The following PTBP3 variants were observed in gnomAD, a reference collection of about 807,000 sequenced individuals.
PTBP3 encodes the protein polypyrimidine tract binding protein 3, also known as polypyrimidine tract-binding protein 3.
PTBP3 carries 20 observed loss-of-function variants against 58.7 expected under a neutral mutation model. The observed-to-expected ratio is 0.34, with a 90% confidence interval of 0.24 to 0.50. The LOEUF (loss-of-function observed/expected upper bound fraction) is 0.50, where lower values mean the gene tolerates loss of function less well. Ranked by LOEUF, PTBP3 falls within the 20% of genes least tolerant of loss-of-function variation. The probability of loss-of-function intolerance (pLI) is 0.98; values close to 1 mark genes in which losing one functional copy is unlikely to be tolerated. For synonymous variants in PTBP3, 185 were observed against 219.8 expected, an observed-to-expected ratio of 0.84 and a Z score of 1.40; for missense variants, 509 against 637.2, an observed-to-expected ratio of 0.80 and a Z score of 2.17.
intron 2 of PTBP3, among the ~76,000 whole-genome samples, chr9:112,288,925 AG>A: frequency 6.6e-6 from 1 of 152,354 alleles, no homozygotes; most frequent in South Asian, 2.1e-4. Context: ...AACTGATCAG[AG>A]AAACTAGTGT....
chr9:112,350,071 T>A, the PTBP3 span, among the ~76,000 whole-genome samples: 2 of 151,890 alleles, frequency 1.3e-5, no homozygotes, highest in Admixed American at 6.6e-5. Flanking sequence ...ATTTAAAGAT[T>A]TTTAAATTTT....
At chr9:112,257,676 ATGCC>A (rs1406594170) in intron 5 of PTBP3, among the ~76,000 whole-genome samples, 1 of 152,212 alleles carries the variant, frequency 6.6e-6, no homozygotes, top group Admixed American at 6.5e-5. Context: ...GCAGTGGCTC[ATGCC>A]TGTAATCCCA....
At chr9:112,291,953 T>C (rs1275792718) in intron 2 of PTBP3, among the ~76,000 whole-genome samples, 1 of 94,552 alleles carries the variant, frequency 1.1e-5, no homozygotes, top group South Asian at 4.7e-4. Context: ...AAAGAAATCA[T>C]AAACTACATA....
chr9:112,329,684 A>G (rs1830289923), intron 1 of PTBP3, among the ~76,000 whole-genome samples: 1 of 152,150 alleles, frequency 6.6e-6, no homozygotes, highest in South Asian at 2.1e-4. Context: ...CTGATTACCT[A>G]CCTTGAAGGA....
At chr9:112,224,890 C>A (rs574593064) in intron 12 of PTBP3, among the ~76,000 whole-genome samples, 17 of 152,270 alleles carry the variant, frequency 1.1e-4, no homozygotes, top group South Asian at 4.1e-4. Context: ...GGCCTTCGGT[C>A]AACAAACAGG....
rs1433804756 is a variant in PTBP3, at chr9:112,221,798, AT to A, written c.*2052del. ...GTGAGTGAATTCTGCTTTTTAAACA[AT>A]CTGTATCATCTCTTGCAGTCTCTAT... On this transcript the variant is annotated 3_prime_UTR_variant, in exon 14 of 14. Coordinates refer to ENST00000374257, the MANE Select transcript of PTBP3 (RefSeq NM_001163788.4). 2 of 985,070 alleles carry A rather than the reference AT, an allele frequency of 2.0e-6. No homozygotes were observed. The highest frequency in any genetic ancestry group is 2.4e-6 in the Non-Finnish European group (2 of 829,716). 61.0% of individuals were successfully genotyped at this position (985,070 alleles called of 1,614,324 possible).
At position 112,305,842 on chromosome 9, in the gene PTBP3, A is replaced by C. The variant is rs1037007859; in HGVS notation, c.-51-7926T>G. On this transcript the variant is annotated intron_variant, in intron 1 of 13. Transcript: ENST00000374257. ...GTAGTTCCAGCTACTCGGAAGGCTG[A>C]GGCAGGAGAATGGCATGATCCCAGG... Among the ~76,000 whole-genome samples the C allele has an allele frequency of 1.4e-4, 22 of 152,292 alleles. No individual in the cohort carries two copies. The East Asian group carries it at 4.3e-3, about 29-fold the overall frequency.
chr9:112,379,137 C>A, the PTBP3 span, among the ~76,000 whole-genome samples: 1 of 152,160 alleles, frequency 6.6e-6, no homozygotes, highest in Non-Finnish European at 1.5e-5. Context: ...TACAATGAGC[C>A]GAGATCCGCG....
intron 2 of PTBP3, among the ~76,000 whole-genome samples, chr9:112,289,163 AG>A (rs1206018748): frequency 6.6e-6 from 1 of 152,154 alleles, no homozygotes; most frequent in Non-Finnish European, 1.5e-5. Flanking sequence ...CTTTATAAGG[AG>A]GGGGTATGTT....
chr9:112,337,211 A>T (rs142545292), upstream of PTBP3, among the ~76,000 whole-genome samples: 267 of 152,198 alleles, frequency 1.8e-3, no homozygotes, highest in African/African-American at 6.0e-3. Flanking sequence ...TGTATTTTTC[A>T]TAGAGATGGG....
intron 7 of PTBP3, among the ~76,000 whole-genome samples, chr9:112,242,295 C>A (rs546853609): frequency 4.1e-4 from 63 of 152,216 alleles, no homozygotes; most frequent in African/African-American, 1.5e-3. Context: ...CTGCACCCAG[C>A]AACATTTTTA....
In PTBP3 at chr9:112,333,500, G is replaced by T. The variant is rs2132507710; in HGVS notation, c.-82C>A. On this transcript the variant is annotated 5_prime_UTR_variant, in exon 1 of 14. It adds an upstream start codon to the 5' untranslated region. Coordinates refer to ENST00000374257, the MANE Select transcript of PTBP3 (RefSeq NM_001163788.4). ...CATGGCCCAGATGGAGGCGCGCACA[G>T]AGCAGGGACTGACGGGCTAACCGCG... 6.3e-7 allele frequency: 1 copy of T among 1,587,730 alleles called. No homozygotes were observed. Among genetic ancestry groups the T allele is most frequent in the Non-Finnish European group, 8.6e-7 (1 of 1,167,438 alleles).
At chr9:112,298,454 A>T (rs1255054501) in intron 1 of PTBP3, 1 of 412,512 alleles carries the variant, frequency 2.4e-6, no homozygotes, top group African/African-American at 2.1e-5. Flanking sequence ...TTTTCAGGTA[A>T]GAGTTTTGAT....
chr9:112,275,020 G>A (rs1396303114), intron 3 of PTBP3, among the ~76,000 whole-genome samples: 1 of 152,112 alleles, frequency 6.6e-6, no homozygotes, highest in Non-Finnish European at 1.5e-5. Context: ...TTGCCCGGTG[G>A]AATATTCATT....
chr9:112,375,532 CCT>C, the PTBP3 span, among the ~76,000 whole-genome samples: 9 of 152,286 alleles, frequency 5.9e-5, no homozygotes, highest in South Asian at 1.7e-3. Flanking sequence ...GTCTTCTCTT[CCT>C]CTGTCAACTG....
At chr9:112,229,678 C>T (rs928368235) in intron 10 of PTBP3, among the ~76,000 whole-genome samples, 9 of 151,994 alleles carry the variant, frequency 5.9e-5, no homozygotes, top group African/African-American at 1.2e-4. Context: ...AGAAATAACA[C>T]GATGGTGATG....
intron 1 of PTBP3, among the ~76,000 whole-genome samples, chr9:112,321,836 C>T (rs1283917782): frequency 2.0e-5 from 3 of 152,108 alleles, no homozygotes; most frequent in Non-Finnish European, 4.4e-5. Flanking sequence ...CCTCCAGGAA[C>T]CCTACACCAA....
At chr9:112,372,972 C>G in the PTBP3 span, among the ~76,000 whole-genome samples, 1 of 150,926 alleles carries the variant, frequency 6.6e-6, no homozygotes, top group Non-Finnish European at 1.5e-5. Flanking sequence ...GATCTCAGCT[C>G]ACTGCAGCCT....
chr9:112,254,981 G>A (rs960594337), intron 5 of PTBP3, among the ~76,000 whole-genome samples: 2 of 152,052 alleles, frequency 1.3e-5, no homozygotes, highest in Admixed American at 6.5e-5. Flanking sequence ...GTTCATCAAT[G>A]AATAAATGGA....
Sources: allele counts gnomAD v4.1 joint callset (sites outside exome capture counted in the v4.1 genomes callset), GRCh38; gene constraint gnomAD v4.1.1; transcripts MANE v1.5; gene names NCBI Gene and HGNC (gene_info 2026-07-23, HGNC 2026-07-21).